The following GCLC variants were observed in gnomAD, a reference collection of about 807,000 sequenced individuals.
The protein encoded by GCLC is glutamate-cysteine ligase catalytic subunit.
GCLC carries 30 observed loss-of-function variants against 81.5 expected under a neutral mutation model. The ratio of observed to expected loss-of-function variants is 0.37; its 90% CI spans 0.28 to 0.50. The LOEUF (loss-of-function observed/expected upper bound fraction) is 0.50, where lower values mean the gene tolerates loss of function less well. Ranked by LOEUF, GCLC falls within the 20% of genes least tolerant of loss-of-function variation. The probability of loss-of-function intolerance (pLI) is 0.96; values close to 1 mark genes in which losing one functional copy is unlikely to be tolerated. For synonymous variants in GCLC, 262 were observed against 273.3 expected, an observed-to-expected ratio of 0.96 and a Z score of 0.41; for missense variants, 556 against 777.4, an observed-to-expected ratio of 0.72 and a Z score of 3.39.
chr6:53,516,292 C>G, intron 3 of GCLC, 70 bp from the exon 4 acceptor site: 1 of 974,080 alleles, frequency 1.0e-6, no homozygotes, highest in Non-Finnish European at 1.7e-6. Context: ...GTCTTGCCAT[C>G]ACTGCACCTG....
chr6:53,498,850 T>A lies in GCLC; in HGVS notation c.1820A>T (p.Gln607Leu). ...MNYSLILKCNQIANELCECPE... is the reference protein window; with the variant it reads ...MNYSLILKCNLIANELCECPE... Reference sequence around the variant, plus strand: ...GCATTCACATAATTCATTTGCAATTTGGTTACACTTCAAAATAAGGCTATA... The same window carrying A: ...GCATTCACATAATTCATTTGCAATTAGGTTACACTTCAAAATAAGGCTATA... The change falls in exon 16 of 16, where the codon CAA becomes CTA. Residue 607 changes from glutamine to leucine, a missense_variant. Gln to Leu is a moderately radical substitution (Grantham distance 113, BLOSUM62 -2). This residue lies in a region of GCLC where 313 missense variants were observed against 437.3 expected (regional missense o/e 0.72). Transcript: ENST00000650454. 1 of 1,612,576 alleles carries A rather than the reference T, an allele frequency of 6.2e-7. No individual in the cohort carries two copies.
At position 53,544,805 on chromosome 6, in the gene GCLC, G is replaced by C. The variant is rs569612512; in HGVS notation, c.-160C>G. On this transcript the variant is annotated 5_prime_UTR_variant, in exon 1 of 16. Coordinates refer to ENST00000650454, the MANE Select transcript of GCLC (RefSeq NM_001498.4). ...GCGGAGGGAGGGTCCTGCCCGCTCCGGCTCCCCGGCGGCGGCCCCTGGCGC... is the reference window on the plus strand; with the variant it reads ...GCGGAGGGAGGGTCCTGCCCGCTCCCGCTCCCCGGCGGCGGCCCCTGGCGC... The C allele has an allele frequency of 3.0e-5, 18 of 600,936 alleles. No homozygotes were observed. Among genetic ancestry groups the C allele is most frequent in the Non-Finnish European group, 4.7e-5 (18 of 386,504 alleles). The allele number at this position is 600,936 out of a possible 1,614,324, so 37.2% of individuals were successfully genotyped here.
intron 6 of GCLC, among the ~76,000 whole-genome samples, chr6:53,511,547 A>G (rs952350260): frequency 3.3e-5 from 5 of 152,136 alleles, no homozygotes; most frequent in Admixed American, 2.6e-4. Context: ...GGGAAATTCA[A>G]CCCCAGAGAA....
At chr6:53,524,613 A>G (rs2127626320) in intron 1 of GCLC, among the ~76,000 whole-genome samples, 1 of 152,294 alleles carries the variant, frequency 6.6e-6, no homozygotes, top group East Asian at 1.9e-4. Flanking sequence ...TTCCTTCTTC[A>G]GTACTTCCTC....
chr6:53,503,907 G>A (rs1764561931), intron 12 of GCLC, among the ~76,000 whole-genome samples: 1 of 152,070 alleles, frequency 6.6e-6, no homozygotes, highest in African/African-American at 2.4e-5. Flanking sequence ...CACTACCTTG[G>A]ATATTCAACA....
chr6:53,498,856 C>A lies in GCLC; in HGVS notation c.1814G>T (p.Cys605Phe). Reference protein sequence around the residue: ...DEMNYSLILKCNQIANELCEC... With the variant: ...DEMNYSLILKFNQIANELCEC... ...ACATAATTCATTTGCAATTTGGTTA[C>A]ACTTCAAAATAAGGCTATAATTCAT... Residue 605 changes from cysteine to phenylalanine, a missense_variant, in exon 16 of 16, where the codon TGT becomes TTT. By Grantham distance (205) the Cys-to-Phe change is radical. Transcript: ENST00000650454. 1.2e-6 allele frequency: 2 copies of A among 1,612,304 alleles called. No individual in the cohort carries two copies. The highest frequency in any genetic ancestry group is 1.7e-6 in the Non-Finnish European group (2 of 1,178,342).
intron 3 of GCLC, among the ~76,000 whole-genome samples, chr6:53,519,372 G>A (rs918027164): frequency 9.9e-5 from 15 of 151,282 alleles, no homozygotes; most frequent in South Asian, 6.3e-4. Context: ...ACTGTCCTCC[G>A]CTCCTCATTC....
chr6:53,517,249 GTTTTTTTTT>G (rs201960255), intron 3 of GCLC, among the ~76,000 whole-genome samples: 18 of 73,104 alleles, frequency 2.5e-4, no homozygotes, highest in Admixed American at 6.9e-4. Context: ...ACTGTACCAA[GTTTTTTTTT>G]TTTTTTTTTT....
intron 1 of GCLC, among the ~76,000 whole-genome samples, chr6:53,533,056 G>A (rs750380207): frequency 2.6e-5 from 4 of 152,116 alleles, no homozygotes; most frequent in Non-Finnish European, 5.9e-5. Flanking sequence ...ATAAGTCTGA[G>A]GCTCATTACA....
At chr6:53,504,163 C>T (rs1444252078) in intron 12 of GCLC, among the ~76,000 whole-genome samples, 6 of 151,978 alleles carry the variant, frequency 3.9e-5, no homozygotes, top group Non-Finnish European at 7.4e-5. Context: ...ATAGTGAGAC[C>T]CTGTCTCTAA....
At position 53,544,702 on chromosome 6, in the gene GCLC, G is replaced by A; in HGVS notation, c.-57C>T. 6.6e-7 allele frequency: 1 copy of A among 1,515,234 alleles called. No individual in the cohort carries two copies. Among genetic ancestry groups the A allele is most frequent in the Admixed American group, 2.0e-5 (1 of 50,666 alleles). The allele number at this position is 1,515,234 out of a possible 1,614,324, so 93.9% of individuals were successfully genotyped here. A position where few individuals can be genotyped will look rare whatever the true frequency, so the allele number is the denominator to read the frequency against. On this transcript the variant is annotated 5_prime_UTR_variant, in exon 1 of 16. Transcript: ENST00000650454. ...GGGCTGACGGCGGTCGCCCGCTCCG[G>A]GCGCGAGACGGACACTCAGCCGCCC...
chr6:53,530,183 C>T (rs764424836), intron 1 of GCLC, among the ~76,000 whole-genome samples: 2 of 152,172 alleles, frequency 1.3e-5, no homozygotes, highest in Non-Finnish European at 2.9e-5. Flanking sequence ...CTGGGGGTCA[C>T]CTATGCCTCC....
intron 2 of GCLC, among the ~76,000 whole-genome samples, chr6:53,521,455 CA>C (rs1326010908): frequency 2.6e-5 from 4 of 151,988 alleles, no homozygotes; most frequent in Non-Finnish European, 4.4e-5. Context: ...ATGCCCAACC[CA>C]AAATCTTTAT....
At chr6:53,509,499 T>C (rs956159014) in intron 6 of GCLC, 2 of 572,816 alleles carry the variant, frequency 3.5e-6, no homozygotes, top group Admixed American at 3.1e-5. Flanking sequence ...TGAAATAAGA[T>C]TAAATAGTCA....
At chr6:53,502,356 A>C (rs1764530061) in intron 12 of GCLC, among the ~76,000 whole-genome samples, 1 of 152,170 alleles carries the variant, frequency 6.6e-6, no homozygotes, top group South Asian at 2.1e-4. Context: ...CAGCCTACTT[A>C]TTCCCCTCTG....
intron 11 of GCLC, 31 bp downstream of exon 11, chr6:53,505,772 G>T: frequency 8.1e-7 from 1 of 1,238,520 alleles, no homozygotes; most frequent in Non-Finnish European, 1.2e-6. Context: ...GAGTACTTTT[G>T]AGTCAGTTCT....
At chr6:53,540,380 G>A (rs531210385) in intron 1 of GCLC, among the ~76,000 whole-genome samples, 126 of 150,584 alleles carry the variant, frequency 8.4e-4, no homozygotes, top group Middle Eastern at 7.1e-3. Context: ...TGACCCTTGA[G>A]GACATTATGT....
chr6:53,542,724 AGC>A (rs1763379541), intron 1 of GCLC, among the ~76,000 whole-genome samples: 1 of 152,210 alleles, frequency 6.6e-6, no homozygotes, highest in East Asian at 1.9e-4. Context: ...AAATGTCAAA[AGC>A]AGCACAGGGC....
Position 53,514,336 on chromosome 6 carries a change from T to C in GCLC, c.621A>G (p.Ile207Met). 6.3e-7 allele frequency: 1 copy of C among 1,589,438 alleles called. No homozygotes were observed. The highest frequency in any genetic ancestry group is 8.6e-7 in the Non-Finnish European group (1 of 1,157,604). The part of the protein sequence containing the change: ...RGEKVVINVP[I>M]FKDKNTPSPF... Reference sequence around the variant, plus strand: ...GAGATGGTGTATTCTTGTCCTTAAATACTGTATTATAAAAATACAAAAATA... The same window carrying C: ...GAGATGGTGTATTCTTGTCCTTAAACACTGTATTATAAAAATACAAAAATA... Residue 207 changes from isoleucine to methionine, a missense_variant and splice_region_variant, in exon 6 of 16, where the codon ATA becomes ATG. Coordinates refer to ENST00000650454, the MANE Select transcript of GCLC (RefSeq NM_001498.4).
Sources: allele counts gnomAD v4.1 joint callset (sites outside exome capture counted in the v4.1 genomes callset), GRCh38; gene constraint gnomAD v4.1.1; regional missense constraint gnomAD v4.1.1; transcripts MANE v1.5; gene names NCBI Gene and HGNC (gene_info 2026-07-23, HGNC 2026-07-21).